Variants in CACNA1E observed in about 807,000 individuals in gnomAD.
CACNA1E encodes the protein calcium voltage-gated channel subunit alpha1 E, also known as voltage-dependent R-type calcium channel subunit alpha-1E.
In CACNA1E, 40 loss-of-function variants were observed where a neutral mutation model predicts 259.2. The ratio of observed to expected loss-of-function variants is 0.15; its 90% CI spans 0.12 to 0.20. The LOEUF (loss-of-function observed/expected upper bound fraction) is 0.20. Ranked by LOEUF, CACNA1E falls within the 10% of genes least tolerant of loss-of-function variation. CACNA1E has a pLI of 1.00. For synonymous variants in CACNA1E, 1,104 were observed against 1,138.5 expected, an observed-to-expected ratio of 0.97 and a Z score of 0.61; for missense variants, 1,874 against 3,040.1, an observed-to-expected ratio of 0.62 and a Z score of 9.02.
intron 1 of CACNA1E, among the ~76,000 whole-genome samples, chr1:181,410,578 C>T (rs955377874): frequency 6.6e-6 from 1 of 152,168 alleles, no homozygotes; most frequent in Non-Finnish European, 1.5e-5. Flanking sequence ...TAAGATCATC[C>T]TCTCATCCAG....
chr1:181,779,808 A>G (rs902965972), intron 38 of CACNA1E, among the ~76,000 whole-genome samples: 4 of 129,026 alleles, frequency 3.1e-5, no homozygotes, highest in African/African-American at 8.8e-5. Flanking sequence ...GTATGTGTGT[A>G]TATGCACATG....
chr1:181,598,151 G>T (rs1653381406), intron 6 of CACNA1E, among the ~76,000 whole-genome samples: 1 of 152,212 alleles, frequency 6.6e-6, no homozygotes, highest in Admixed American at 6.5e-5. Context: ...AGAGGAGATG[G>T]ATGAATGATT....
chr1:181,781,619 G>A, intron 39 of CACNA1E, 96 bp downstream of exon 39: 1 of 721,526 alleles, frequency 1.4e-6, no homozygotes, highest in Non-Finnish European at 2.5e-6. Flanking sequence ...CCAGGCTGGG[G>A]AGGTGGAGGA....
intron 18 of CACNA1E, 97 bp downstream of exon 18, chr1:181,726,259 C>A (rs1654900797): frequency 2.4e-6 from 2 of 829,940 alleles, no homozygotes; most frequent in East Asian, 2.7e-5. Context: ...GTACCTACTA[C>A]ATGCTGGGAA....
Position 181,525,541 on chromosome 1 carries a change from G to A in CACNA1E, c.512+14031G>A, listed in dbSNP as rs117081831. ...CTGAGGCTATTTATAAAATGTCCAT[G>A]TTGGCCTGGATATCACTACTGGTTA... is the stretch of plus-strand genomic sequence containing the variant. On this transcript the variant is annotated intron_variant, in intron 3 of 47. Coordinates refer to ENST00000367573, the MANE Select transcript of CACNA1E (RefSeq NM_001205293.3). Among the ~76,000 whole-genome samples the A allele has an allele frequency of 2.0e-4, 31 of 152,316 alleles. 1 individual carries two copies. In the East Asian group the frequency reaches 5.8e-3, roughly 28 times the overall value.
chr1:181,606,644 C>T (rs887061420), intron 6 of CACNA1E, among the ~76,000 whole-genome samples: 2 of 152,186 alleles, frequency 1.3e-5, no homozygotes, highest in Non-Finnish European at 2.9e-5. Flanking sequence ...TTTTATAAAA[C>T]CCTTTACTGG....
At chr1:181,593,882 A>C (rs1057142591) in intron 6 of CACNA1E, among the ~76,000 whole-genome samples, 1 of 152,186 alleles carries the variant, frequency 6.6e-6, no homozygotes, top group African/African-American at 2.4e-5. Flanking sequence ...CCTGACATTC[A>C]TCTGTGGCAG....
rs192385990 is a variant in CACNA1E at position 181,512,538 on chromosome 1, G to A, written c.512+1028G>A. 3.3e-5 allele frequency among the ~76,000 whole-genome samples: 5 copies of A among 152,308 alleles called. No individual in the cohort carries two copies. The East Asian group carries it at 9.6e-4, about 29-fold the overall frequency. On this transcript the variant is annotated intron_variant, in intron 3 of 47. Coordinates refer to ENST00000367573, the MANE Select transcript of CACNA1E (RefSeq NM_001205293.3). ...TTTTCCAGGGAGGAGTCAGAGGAGGGGTGAAGGTAGATAAAGTCTTAGAAG... is the reference window on the plus strand; with the variant it reads ...TTTTCCAGGGAGGAGTCAGAGGAGGAGTGAAGGTAGATAAAGTCTTAGAAG...
intron 1 of CACNA1E, among the ~76,000 whole-genome samples, chr1:181,396,753 T>C (rs756453513): frequency 2.6e-5 from 4 of 152,178 alleles, no homozygotes; most frequent in African/African-American, 9.7e-5. Context: ...CCAGAATAAA[T>C]AGTTTACGCT....
chr1:181,455,467 G>A (rs543893473), intron 2 of CACNA1E, among the ~76,000 whole-genome samples: 1 of 152,246 alleles, frequency 6.6e-6, no homozygotes, highest in African/African-American at 2.4e-5. Context: ...AGGGCAATAG[G>A]GAGAAAAGTT....
chr1:181,494,226 G>T (rs573280022), intron 1 of CACNA1E, among the ~76,000 whole-genome samples: 7 of 152,212 alleles, frequency 4.6e-5, no homozygotes, highest in Non-Finnish European at 8.8e-5. Flanking sequence ...AGGGAGGGGG[G>T]ACGTTATCTA....
At position 181,524,320 on chromosome 1, in the gene CACNA1E, A is replaced by G. The variant is rs888966031; in HGVS notation, c.512+12810A>G. ...ATGTTTCCTTTTTTAAAAAAGAGCAATCTAATTGGAATAGAATGTATGTGT... is the reference window on the plus strand; with the variant it reads ...ATGTTTCCTTTTTTAAAAAAGAGCAGTCTAATTGGAATAGAATGTATGTGT... On this transcript the variant is annotated intron_variant, in intron 3 of 47. Coordinates refer to ENST00000367573, the MANE Select transcript of CACNA1E (RefSeq NM_001205293.3). 2.0e-5 allele frequency among the ~76,000 whole-genome samples: 3 copies of G among 152,320 alleles called. No homozygotes were observed. The East Asian group carries it at 5.8e-4, about 29-fold the overall frequency.
chr1:181,625,710 G>T (rs183268318), intron 6 of CACNA1E, among the ~76,000 whole-genome samples: 8 of 152,264 alleles, frequency 5.3e-5, no homozygotes, highest in Admixed American at 3.3e-4. Flanking sequence ...TCAGCAAAAG[G>T]TTATTTAGCT....
chr1:181,396,498 G>A (rs1171713937), intron 1 of CACNA1E, among the ~76,000 whole-genome samples: 1 of 152,210 alleles, frequency 6.6e-6, no homozygotes, highest in African/African-American at 2.4e-5. Context: ...GGGAGGAGGA[G>A]AACTGAGACA....
chr1:181,710,099 G>T (rs1007291492), intron 7 of CACNA1E, among the ~76,000 whole-genome samples: 1 of 151,964 alleles, frequency 6.6e-6, no homozygotes, highest in Non-Finnish European at 1.5e-5. Flanking sequence ...TTGTCACACG[G>T]AGTGGCATTG....
rs552421386 is a variant in CACNA1E, at chr1:181,731,518, G to A, written c.2297+287G>A. 1.4e-4 allele frequency among the ~76,000 whole-genome samples: 21 copies of A among 152,300 alleles called. 1 individual carries two copies. The South Asian group carries it at 3.3e-3, about 24-fold the overall frequency. On this transcript the variant is annotated intron_variant, in intron 19 of 47. Coordinates refer to ENST00000367573, the MANE Select transcript of CACNA1E (RefSeq NM_001205293.3). ...TAGTGTTGGTGGGTATACCTCTCAC[G>A]TAGGTAGTTGTGTACAGCTATGTGT...
In CACNA1E at chr1:181,796,775, G is replaced by A. The variant is rs1165150634; in HGVS notation, c.6316G>A (p.Gly2106Arg). ...DVSRCNSEER[G>R]TQADWESPER... ...CTCCCGCTGCAATTCAGAAGAGCGA[G>A]GGACCCAGGCTGACTGGGAGTCCCC... The change falls in exon 47 of 48, where the codon GGG (glycine) becomes AGG (arginine). Residue 2106 changes from glycine to arginine, a missense_variant. By Grantham distance (125) the Gly-to-Arg change is moderately radical. Transcript: ENST00000367573. 6.2e-7 allele frequency: 1 copy of A among 1,612,738 alleles called. No individual in the cohort carries two copies. Among genetic ancestry groups the A allele is most frequent in the Non-Finnish European group, 8.5e-7 (1 of 1,179,412 alleles).
In CACNA1E at chr1:181,807,418, G is replaced by A. The variant is rs910997976; in HGVS notation, c.*8584G>A. Reference sequence around the variant, plus strand: ...AAGCAGCTGATTCCCAAGACTCTTAGGAGATACTGTCCATTCTTCCTCCTG... The same window carrying A: ...AAGCAGCTGATTCCCAAGACTCTTAAGAGATACTGTCCATTCTTCCTCCTG... On this transcript the variant is annotated 3_prime_UTR_variant, in exon 48 of 48. Transcript: ENST00000367573. The A allele has an allele frequency of 2.0e-5, 3 of 151,992 alleles. No individual in the cohort carries two copies. In the East Asian group the frequency reaches 5.8e-4, roughly 29 times the overall value. 9.4% of individuals were successfully genotyped at this position (151,992 alleles called of 1,614,324 possible).
At chr1:181,601,912 C>CAGTAGCCCTCTTGCTGCAGATG (rs1176003334) in intron 6 of CACNA1E, among the ~76,000 whole-genome samples, 1 of 152,220 alleles carries the variant, frequency 6.6e-6, no homozygotes, top group Non-Finnish European at 1.5e-5. Flanking sequence ...TGCTCCAGCA[C>CAGTAGCCCTCTTGCTGCAGATG]AGTAGCCCTC....
Sources: gnomAD v4.1 joint callset for allele counts (sites outside exome capture counted in the v4.1 genomes callset) on GRCh38, gnomAD v4.1.1 for gene constraint, MANE v1.5 for transcripts, NCBI Gene and HGNC (gene_info 2026-07-23, HGNC 2026-07-21) for gene names.